Variants in MYO10 observed in about 807,000 individuals in gnomAD.
The protein encoded by MYO10 is unconventional myosin-X.
Under a neutral mutation model 257.3 loss-of-function variants are expected in MYO10, and 133 were observed. That is an observed-to-expected ratio of 0.52 (90% CI 0.45 to 0.60). MYO10 has a LOEUF of 0.60. Ranked by LOEUF, MYO10 falls within the 20% of genes least tolerant of loss-of-function variation. MYO10 has a pLI of 0.00. For synonymous variants in MYO10, 1,104 were observed against 1,028.6 expected, an observed-to-expected ratio of 1.07 and a Z score of -1.40; for missense variants, 2,399 against 2,635.7, an observed-to-expected ratio of 0.91 and a Z score of 1.97.
chr5:16,845,639 A>G (rs1000845861), intron 2 of MYO10, among the ~76,000 whole-genome samples: 4 of 152,148 alleles, frequency 2.6e-5, no homozygotes, highest in African/African-American at 9.6e-5. Context: ...ACATGGTGAG[A>G]CCCTGTCTCT....
chr5:16,730,195 C>G (rs1241924711), intron 19 of MYO10, among the ~76,000 whole-genome samples: 1 of 152,220 alleles, frequency 6.6e-6, no homozygotes, highest in African/African-American at 2.4e-5. Context: ...AAGAGAACTA[C>G]AGGCACATGG....
chr5:16,791,241 A>G (rs1001331790), intron 4 of MYO10, among the ~76,000 whole-genome samples: 14 of 152,210 alleles, frequency 9.2e-5, no homozygotes, highest in Admixed American at 9.2e-4. Context: ...ATCATGCCCA[A>G]GGAAATCTAA....
At chr5:16,687,889 C>T (rs957922276) in intron 28 of MYO10, among the ~76,000 whole-genome samples, 5 of 152,162 alleles carry the variant, frequency 3.3e-5, no homozygotes, top group African/African-American at 9.7e-5. Context: ...ACAAAGGCAT[C>T]AAATTTGTTG....
At chr5:16,762,470 G>T in intron 15 of MYO10, 75 bp downstream of exon 15, 3 of 1,192,986 alleles carry the variant, frequency 2.5e-6, no homozygotes, top group South Asian at 2.7e-5. Flanking sequence ...CCAGCGGACT[G>T]ACATGTCTGG....
chr5:16,726,610 C>CT (rs1739375490), intron 19 of MYO10, among the ~76,000 whole-genome samples: 1 of 152,200 alleles, frequency 6.6e-6, no homozygotes, highest in African/African-American at 2.4e-5. Context: ...CTATGCGGCT[C>CT]TTCCTGAAAG....
intron 6 of MYO10, 35 bp downstream of exon 6, chr5:16,781,670 A>T (rs1373925727): frequency 6.3e-7 from 1 of 1,587,424 alleles, no homozygotes; most frequent in East Asian, 2.3e-5. Flanking sequence ...TTAGAGAATC[A>T]ATTACTATAG....
chr5:16,907,438 C>T (rs1417930785), intron 1 of MYO10, among the ~76,000 whole-genome samples: 3 of 151,850 alleles, frequency 2.0e-5, no homozygotes, highest in African/African-American at 7.3e-5. Context: ...AATAAAAGTC[C>T]CCACTGATCA....
At chr5:16,671,613 CT>C (rs1202856253) in intron 37 of MYO10, 71 bp from the exon 38 acceptor site, 2 of 1,572,116 alleles carry the variant, frequency 1.3e-6, no homozygotes, top group Non-Finnish European at 1.7e-6. Flanking sequence ...AGGGACCTGA[CT>C]TTACATGGTG....
intron 19 of MYO10, among the ~76,000 whole-genome samples, chr5:16,749,602 A>C: frequency 6.6e-6 from 1 of 152,134 alleles, no homozygotes; most frequent in East Asian, 1.9e-4. Flanking sequence ...CTTTCTGGAG[A>C]AGGCTGGACT....
intron 11 of MYO10, 69 bp downstream of exon 11, chr5:16,766,011 A>C (rs1560973234): frequency 1.9e-6 from 2 of 1,080,210 alleles, no homozygotes; most frequent in Non-Finnish European, 2.8e-6. Flanking sequence ...ACATATTTCA[A>C]TCAAACCTAT....
rs976474422 is a variant in MYO10 at position 16,680,118 on chromosome 5, G to T, written c.4385-14C>A. On this transcript the variant is annotated splice_polypyrimidine_tract_variant and intron_variant, in intron 32 of 40. Coordinates refer to ENST00000513610, the MANE Select transcript of MYO10 (RefSeq NM_012334.3). Reference sequence around the variant, plus strand: ...CGTTCCAGTAGCCTGCAATGGCAGGGGTGCCCAGCACACGCACGTCAACGC... The same window carrying T: ...CGTTCCAGTAGCCTGCAATGGCAGGTGTGCCCAGCACACGCACGTCAACGC... 26 of 1,603,716 alleles carry T rather than the reference G, an allele frequency of 1.6e-5. No individual in the cohort carries two copies. Among genetic ancestry groups the T allele is most frequent in the Non-Finnish European group, 2.1e-5 (25 of 1,172,250 alleles).
chr5:16,721,563 G>A (rs770202487), intron 19 of MYO10, among the ~76,000 whole-genome samples: 16 of 152,294 alleles, frequency 1.1e-4, no homozygotes, highest in Non-Finnish European at 2.2e-4. Flanking sequence ...AACCCCCGCA[G>A]GTGAGGAACA....
At chr5:16,693,106 A>G (rs1001739929) in intron 27 of MYO10, among the ~76,000 whole-genome samples, 1 of 152,154 alleles carries the variant, frequency 6.6e-6, no homozygotes, top group Non-Finnish European at 1.5e-5. Flanking sequence ...GTCTCTACCA[A>G]TAATACAAAA....
chr5:16,744,702 A>T (rs1049790539), intron 19 of MYO10, among the ~76,000 whole-genome samples: 1 of 152,090 alleles, frequency 6.6e-6, no homozygotes, highest in Non-Finnish European at 1.5e-5. Context: ...CAGCTGTGGG[A>T]AAACAGTCAC....
intron 9 of MYO10, among the ~76,000 whole-genome samples, chr5:16,770,093 G>C (rs1435031346): frequency 6.6e-6 from 1 of 152,068 alleles, no homozygotes; most frequent in Non-Finnish European, 1.5e-5. Flanking sequence ...TTAGCCAGGT[G>C]TGTTGGTGCA....
At chr5:16,795,137 C>T (rs1397690355) in intron 3 of MYO10, among the ~76,000 whole-genome samples, 1 of 152,150 alleles carries the variant, frequency 6.6e-6, no homozygotes, top group Non-Finnish European at 1.5e-5. Context: ...TAATCCCTTC[C>T]CATGGGCAAA....
chr5:16,909,487 C>A lies in MYO10; in HGVS notation c.21+26301G>T, dbSNP rs142979974. 4.7e-3 allele frequency among the ~76,000 whole-genome samples: 611 copies of A among 131,366 alleles called. 4 individuals are homozygous for A. The highest frequency in any genetic ancestry group is 0.017 in the African/African-American group (577 of 34,618). 86.2% of individuals were successfully genotyped at this position (131,366 alleles called of 152,430 possible). On this transcript the variant is annotated intron_variant, in intron 1 of 40. Coordinates refer to ENST00000513610, the MANE Select transcript of MYO10 (RefSeq NM_012334.3). ...CACCACTGCACTCCAGCCCAGCCAA[C>A]AGAGCGAAACTCCAACTCAAAAAAA...
Position 16,818,414 on chromosome 5 carries a change from A to ATACG in MYO10, c.121-248_121-247insCGTA, listed in dbSNP as rs1561000931. Among the ~76,000 whole-genome samples the ATACG allele has an allele frequency of 1.2e-3, 169 of 138,200 alleles. 2 individuals carry two copies. Among genetic ancestry groups the ATACG allele is most frequent in the African/African-American group, 4.5e-3 (163 of 35,826 alleles). The allele number at this position is 138,200 out of a possible 152,430, so 90.7% of individuals were successfully genotyped here. A position where few individuals can be genotyped will look rare whatever the true frequency, so the allele number is the denominator to read the frequency against. On this transcript the variant is annotated intron_variant, in intron 2 of 40. Transcript: ENST00000513610. ...TGTGTGTGTGTGTGTGTGTGTGTAT[A>ATACG]TATATATATATACACATATCTTTGT...
rs568882123 is a variant in MYO10, at chr5:16,750,406, T to TA, written c.1929+4421dup. Among the ~76,000 whole-genome samples the TA allele has an allele frequency of 1.9e-3, 273 of 144,836 alleles. 1 individual carries two copies. The highest frequency in any genetic ancestry group is 4.8e-3 in the East Asian group (24 of 5,028). On this transcript the variant is annotated intron_variant, in intron 19 of 40. Coordinates refer to ENST00000513610, the MANE Select transcript of MYO10 (RefSeq NM_012334.3). ...AAAACAATACATAGAAAACCCAAAT[T>TA]AAAAAAAAAAAAATTAACAACCCAA...
Sources: allele counts gnomAD v4.1 joint callset (sites outside exome capture counted in the v4.1 genomes callset), GRCh38; gene constraint gnomAD v4.1.1; transcripts MANE v1.5; gene names NCBI Gene and HGNC (gene_info 2026-07-23, HGNC 2026-07-21).